Variants in HACE1 observed in about 807,000 individuals in gnomAD.
The protein encoded by HACE1 is E3 ubiquitin-protein ligase HACE1.
Under a neutral mutation model 118.4 loss-of-function variants are expected in HACE1, and 73 were observed. That is an observed-to-expected ratio of 0.62 (90% CI 0.51 to 0.75). HACE1 has a LOEUF of 0.75. Ranked by LOEUF, HACE1 falls within the 30% of genes least tolerant of loss-of-function variation. HACE1 has a pLI of 0.00. For synonymous variants in HACE1, 368 were observed against 374.8 expected (o/e 0.98, Z 0.21); for missense variants, 749 against 1,102.2 (o/e 0.68, Z 4.54).
At chr6:104,808,313 C>G (rs1227063465) in intron 7 of HACE1, among the ~76,000 whole-genome samples, 1 of 152,124 alleles carries the variant, frequency 6.6e-6, no homozygotes, top group Non-Finnish European at 1.5e-5. Context: ...TATGTCAGAA[C>G]TTAGTGAGCA....
intron 5 of HACE1, among the ~76,000 whole-genome samples, chr6:104,838,400 T>A (rs756065707): frequency 6.6e-5 from 10 of 151,726 alleles, no homozygotes; most frequent in Non-Finnish European, 1.5e-4. Context: ...CAGAAATAAA[T>A]CCACACATCT....
Position 104,809,163 on chromosome 6 carries a change from T to C in HACE1, c.617+2148A>G, listed in dbSNP as rs1469985974. Among the ~76,000 whole-genome samples, 3 of 152,176 alleles carry C rather than the reference T, an allele frequency of 2.0e-5. No homozygotes were observed. In the East Asian group the frequency reaches 5.8e-4, roughly 29 times the overall value. ...TACTATGCATCTAAGTGCAAAACAC[T>C]GTACTACACTTTGGACATAAAGTGG... On this transcript the variant is annotated intron_variant, in intron 7 of 23. Transcript: ENST00000262903.
chr6:104,820,373 G>A (rs558318378), intron 6 of HACE1, among the ~76,000 whole-genome samples: 20 of 152,152 alleles, frequency 1.3e-4, no homozygotes, highest in African/African-American at 4.6e-4. Context: ...TTTCTGCATA[G>A]CGAAAAAAAC....
intron 17 of HACE1, among the ~76,000 whole-genome samples, chr6:104,776,473 G>A (rs913419682): frequency 6.6e-6 from 1 of 152,062 alleles, no homozygotes; most frequent in Non-Finnish European, 1.5e-5. Context: ...AACCTCTTTG[G>A]GCCAACACTA....
intron 19 of HACE1, among the ~76,000 whole-genome samples, chr6:104,754,283 G>A (rs976405001): frequency 2.0e-5 from 3 of 152,148 alleles, no homozygotes; most frequent in African/African-American, 4.8e-5. Flanking sequence ...ACTGACTGAG[G>A]TACCTGAAAG....
chr6:104,754,124 T>C (rs369683790), intron 19 of HACE1, among the ~76,000 whole-genome samples: 3 of 152,080 alleles, frequency 2.0e-5, no homozygotes, highest in South Asian at 2.1e-4. Flanking sequence ...CAAGTATCAA[T>C]AGCAGAATAG....
At chr6:104,814,382 A>T (rs1197733769) in intron 6 of HACE1, among the ~76,000 whole-genome samples, 1 of 138,758 alleles carries the variant, frequency 7.2e-6, no homozygotes, top group Non-Finnish European at 1.6e-5. Flanking sequence ...AAAGGTAAAA[A>T]GCCTTCAAAA....
At chr6:104,792,451 T>C (rs1233095125) in intron 10 of HACE1, among the ~76,000 whole-genome samples, 1 of 152,232 alleles carries the variant, frequency 6.6e-6, no homozygotes, top group Non-Finnish European at 1.5e-5. Flanking sequence ...AGGCTAAATT[T>C]GTATTGAATC....
chr6:104,775,625 C>G (rs146748092), intron 17 of HACE1, among the ~76,000 whole-genome samples: 1 of 152,168 alleles, frequency 6.6e-6, no homozygotes, highest in African/African-American at 2.4e-5. Context: ...TCACTGAACT[C>G]GTCATTCACA....
chr6:104,791,417 A>G lies in HACE1; in HGVS notation c.1074+87T>C, dbSNP rs1452481669. 7 of 1,216,420 alleles carry G rather than the reference A, an allele frequency of 5.8e-6. No homozygotes were observed. The African/African-American group carries it at 7.4e-5, about 13-fold the overall frequency. 75.4% of individuals were successfully genotyped at this position (1,216,420 alleles called of 1,614,324 possible). A position where few individuals can be genotyped will look rare whatever the true frequency, so the allele number is the denominator to read the frequency against. ...TATAAACCAAACTTACAACCTGTTCATGAGCTTTCTGATTAATGAATGCAT... is the reference window on the plus strand; with the variant it reads ...TATAAACCAAACTTACAACCTGTTCGTGAGCTTTCTGATTAATGAATGCAT... On this transcript the variant is annotated intron_variant, in intron 11 of 23. Transcript: ENST00000262903.
chr6:104,790,103 C>T (rs1055585071), intron 11 of HACE1, among the ~76,000 whole-genome samples: 1 of 151,442 alleles, frequency 6.6e-6, no homozygotes, highest in Non-Finnish European at 1.5e-5. Flanking sequence ...ACACACTCAA[C>T]GTGCACACAC....
rs765963417 is a variant in HACE1, at chr6:104,791,630, T to C, written c.948A>G (p.Gln316=). The C allele has an allele frequency of 1.2e-6, 2 of 1,610,726 alleles. No homozygotes were observed. Among genetic ancestry groups the C allele is most frequent in the East Asian group, 2.2e-5 (1 of 44,814 alleles). The part of the protein sequence containing the change: ...LLSLSSNYDA[Q]MKSLLRIVRM... ...TCACAATCCTTAAAAGGCTCTTCAT[T>C]TGAGCATCATAATTGCTAGAGAGGC... The change falls in exon 11 of 24, where the codon CAA becomes CAG. Residue 316 remains glutamine (Q), a synonymous_variant. Coordinates refer to ENST00000262903, the MANE Select transcript of HACE1 (RefSeq NM_020771.4).
At chr6:104,775,093 G>A (rs2114734850) in intron 17 of HACE1, among the ~76,000 whole-genome samples, 1 of 152,302 alleles carries the variant, frequency 6.6e-6, no homozygotes, top group East Asian at 1.9e-4. Context: ...TGTAATCCCA[G>A]AACTTTGGGA....
At chr6:104,738,039 C>A (rs1438619112) in intron 22 of HACE1, among the ~76,000 whole-genome samples, 1 of 152,146 alleles carries the variant, frequency 6.6e-6, no homozygotes, top group African/African-American at 2.4e-5. Context: ...AACTGGGAGG[C>A]ACCCCCCAGC....
intron 7 of HACE1, among the ~76,000 whole-genome samples, chr6:104,800,958 A>G (rs535091985): frequency 6.8e-4 from 104 of 152,302 alleles, no homozygotes; most frequent in Middle Eastern, 3.4e-3. Flanking sequence ...CAAGGAAGCT[A>G]AAAACCTTGA....
intron 7 of HACE1, among the ~76,000 whole-genome samples, chr6:104,800,945 T>C (rs1053771036): frequency 1.3e-4 from 19 of 151,986 alleles, no homozygotes; most frequent in Non-Finnish European, 2.2e-4. Flanking sequence ...TTCTAACCCA[T>C]CACAAGGAAG....
At chr6:104,765,233 C>A (rs1779858728) in intron 19 of HACE1, among the ~76,000 whole-genome samples, 1 of 152,192 alleles carries the variant, frequency 6.6e-6, no homozygotes, top group African/African-American at 2.4e-5. Context: ...TAAACACAAG[C>A]CACTGGTATA....
chr6:104,852,516 G>A (rs1262058639), intron 1 of HACE1, 145 bp from the exon 2 acceptor site: 4 of 619,266 alleles, frequency 6.5e-6, no homozygotes, highest in Non-Finnish European at 1.2e-5. Context: ...AATACCAGAG[G>A]TATTTCAGAA....
At chr6:104,763,795 A>C (rs1779664347) in intron 19 of HACE1, among the ~76,000 whole-genome samples, 1 of 152,160 alleles carries the variant, frequency 6.6e-6, no homozygotes, top group Non-Finnish European at 1.5e-5. Context: ...CACGCCTATA[A>C]TCCCAGCACT....
Sources: allele counts gnomAD v4.1 joint callset (sites outside exome capture counted in the v4.1 genomes callset), GRCh38; gene constraint gnomAD v4.1.1; transcripts MANE v1.5; gene names NCBI Gene and HGNC (gene_info 2026-07-23, HGNC 2026-07-21).